Variants in SEMA6D observed in about 807,000 individuals in gnomAD.
SEMA6D encodes semaphorin 6D, also known as semaphorin-6D.
A neutral mutation model predicts 106.6 loss-of-function variants in SEMA6D; 35 were observed. That is an observed-to-expected ratio of 0.33 (90% CI 0.25 to 0.44). The LOEUF is 0.44. Ranked by LOEUF, SEMA6D falls within the 20% of genes least tolerant of loss-of-function variation. SEMA6D has a pLI of 1.00. For synonymous variants in SEMA6D, 499 were observed against 487.7 expected (o/e 1.02, Z -0.31); for missense variants, 1,185 against 1,345.9 (o/e 0.88, Z 1.87).
At chr15:47,649,541 C>T (rs1488066660) in intron 4 of SEMA6D, among the ~76,000 whole-genome samples, 1 of 152,186 alleles carries the variant, frequency 6.6e-6, no homozygotes, top group African/African-American at 2.4e-5. Context: ...ACTTAGCAGG[C>T]TGAAGCCAGA....
intron 2 of SEMA6D, among the ~76,000 whole-genome samples, chr15:47,421,558 C>T (rs1891839098): frequency 6.6e-6 from 1 of 152,018 alleles, no homozygotes. Context: ...CTTCCTGTTT[C>T]TCTGGCATCT....
At chr15:47,443,736 G>A (rs1320023270) in intron 2 of SEMA6D, among the ~76,000 whole-genome samples, 2 of 152,108 alleles carry the variant, frequency 1.3e-5, no homozygotes, top group Non-Finnish European at 2.9e-5. Context: ...AACTTTTAAA[G>A]AGAAATTTTC....
chr15:47,711,287 G>C (rs2079016211), intron 4 of SEMA6D, among the ~76,000 whole-genome samples: 1 of 133,798 alleles, frequency 7.5e-6, no homozygotes. Context: ...TCCAGCCTGG[G>C]CGACAGAGCG....
At chr15:47,261,829 G>C (rs1392572010) in intron 1 of SEMA6D, among the ~76,000 whole-genome samples, 3 of 152,058 alleles carry the variant, frequency 2.0e-5, no homozygotes, top group African/African-American at 7.2e-5. Flanking sequence ...GTTAATTCAT[G>C]TTGTTGTATG....
chr15:47,708,811 G>C (rs1018462437), intron 4 of SEMA6D, among the ~76,000 whole-genome samples: 1 of 152,198 alleles, frequency 6.6e-6, no homozygotes, highest in African/African-American at 2.4e-5. Flanking sequence ...ACCAGACTTA[G>C]ATTCAGAAGA....
chr15:47,285,088 T>C (rs2142650210), intron 1 of SEMA6D, among the ~76,000 whole-genome samples: 1 of 152,330 alleles, frequency 6.6e-6, no homozygotes, highest in Non-Finnish European at 1.5e-5. Context: ...GTGTATTAAA[T>C]AAATGATAAA....
chr15:47,474,475 A>G (rs570786285), intron 3 of SEMA6D, among the ~76,000 whole-genome samples: 1 of 152,340 alleles, frequency 6.6e-6, no homozygotes, highest in South Asian at 2.1e-4. Flanking sequence ...ATGTGGCATT[A>G]AGTCTTAAAC....
chr15:47,564,746 T>C (rs2046180811), intron 3 of SEMA6D, among the ~76,000 whole-genome samples: 1 of 152,056 alleles, frequency 6.6e-6, no homozygotes, highest in Non-Finnish European at 1.5e-5. Flanking sequence ...TATATCCCTG[T>C]TTTCTCACTA....
chr15:47,377,926 A>C (rs768654439), intron 1 of SEMA6D, among the ~76,000 whole-genome samples: 7 of 152,142 alleles, frequency 4.6e-5, no homozygotes, highest in Non-Finnish European at 8.8e-5. Context: ...CTCCATGTTT[A>C]TATTAAAGTT....
chr15:47,734,481 C>G (rs2080332439), intron 1 of SEMA6D, among the ~76,000 whole-genome samples: 1 of 152,110 alleles, frequency 6.6e-6, no homozygotes, highest in African/African-American at 2.4e-5. Context: ...ACACAGGGCC[C>G]TGCAAATCAC....
chr15:47,261,893 AC>A (rs57842507), intron 1 of SEMA6D, among the ~76,000 whole-genome samples: 2,346 of 152,308 alleles, frequency 0.015, 60 homozygotes, highest in African/African-American at 0.053. Context: ...ATATGAATAT[AC>A]CATATTTTGC....
At chr15:47,326,071 C>G (rs948526901) in intron 1 of SEMA6D, among the ~76,000 whole-genome samples, 3 of 152,134 alleles carry the variant, frequency 2.0e-5, no homozygotes, top group African/African-American at 7.2e-5. Flanking sequence ...GTCCACTCTT[C>G]CCAGTGAAAA....
chr15:47,443,072 A>G (rs1468149381), intron 2 of SEMA6D, among the ~76,000 whole-genome samples: 1 of 152,164 alleles, frequency 6.6e-6, no homozygotes, highest in Non-Finnish European at 1.5e-5. Flanking sequence ...CAGTGAGGGC[A>G]GGAAAATGCA....
intron 2 of SEMA6D, among the ~76,000 whole-genome samples, chr15:47,457,082 T>C (rs1316022465): frequency 6.6e-6 from 1 of 151,966 alleles, no homozygotes; most frequent in African/African-American, 2.4e-5. Flanking sequence ...CTTTGCATTA[T>C]ACAGGGCACT....
intron 2 of SEMA6D, among the ~76,000 whole-genome samples, chr15:47,436,218 C>T (rs772640966): frequency 1.3e-4 from 20 of 151,952 alleles, no homozygotes; most frequent in Non-Finnish European, 2.2e-4. Flanking sequence ...GGTGAAACTC[C>T]GTCTCTACTA....
At position 47,254,329 on chromosome 15, in the gene SEMA6D, G is replaced by GTATATA. The variant is rs201817469; in HGVS notation, c.-239+69912_-239+69913insATATAT. ...TATATATGTATATATATGTGTGTGT[G>GTATATA]TGTATATATATATATATATATATAA... is the stretch of plus-strand genomic sequence containing the variant. On this transcript the variant is annotated intron_variant, in intron 1 of 19. Transcript: ENST00000558014. 2.8e-3 allele frequency among the ~76,000 whole-genome samples: 369 copies of GTATATA among 132,652 alleles called. 1 individual carries two copies. Among genetic ancestry groups the GTATATA allele is most frequent in the Admixed American group, 7.6e-3 (98 of 12,944 alleles). The allele number at this position is 132,652 out of a possible 152,430, so 87.0% of individuals were successfully genotyped here.
At chr15:47,732,965 C>T (rs904413078) in intron 1 of SEMA6D, among the ~76,000 whole-genome samples, 1 of 152,122 alleles carries the variant, frequency 6.6e-6, no homozygotes, top group African/African-American at 2.4e-5. Flanking sequence ...AAACACGAGC[C>T]GTAATTATGA....
chr15:47,703,528 G>A (rs1184601705), intron 4 of SEMA6D, among the ~76,000 whole-genome samples: 1 of 152,002 alleles, frequency 6.6e-6, no homozygotes, highest in Non-Finnish European at 1.5e-5. Flanking sequence ...AAAATGAAAG[G>A]AACCCACTAC....
At chr15:47,327,894 G>T (rs183984587) in intron 1 of SEMA6D, among the ~76,000 whole-genome samples, 1 of 152,148 alleles carries the variant, frequency 6.6e-6, no homozygotes, top group Non-Finnish European at 1.5e-5. Context: ...CAGGATCAAG[G>T]TACTATTAAT....
Sources: gnomAD v4.1 joint callset for allele counts (sites outside exome capture counted in the v4.1 genomes callset) on GRCh38, gnomAD v4.1.1 for gene constraint, MANE v1.5 for transcripts, NCBI Gene and HGNC (gene_info 2026-07-23, HGNC 2026-07-21) for gene names.